The following PRKCE variants were observed in gnomAD, a reference collection of about 807,000 sequenced individuals.
The protein encoded by PRKCE is protein kinase C epsilon type.
PRKCE carries 16 observed loss-of-function variants against 85.4 expected under a neutral mutation model. That is an observed-to-expected ratio of 0.19 (90% CI 0.13 to 0.28). The LOEUF (loss-of-function observed/expected upper bound fraction) is 0.28, where lower values mean the gene tolerates loss of function less well. Ranked by LOEUF, PRKCE falls within the 10% of genes least tolerant of loss-of-function variation. PRKCE has a pLI of 1.00. For missense variants in PRKCE, 573 were observed against 975.2 expected (o/e 0.59, Z 5.49); for synonymous variants, 388 against 371.5 (o/e 1.04, Z -0.51).
intron 1 of PRKCE, among the ~76,000 whole-genome samples, chr2:45,719,112 C>G (rs142238252): frequency 6.6e-6 from 1 of 152,216 alleles, no homozygotes. Flanking sequence ...TGAGAAGGCT[C>G]GAGGCATCTA....
At chr2:45,848,395 T>C (rs563075578) in intron 2 of PRKCE, among the ~76,000 whole-genome samples, 10 of 152,242 alleles carry the variant, frequency 6.6e-5, no homozygotes, top group African/African-American at 2.2e-4. Context: ...ACTGCAACCT[T>C]TGCCTCCTGG....
chr2:46,153,101 A>G (rs1055353582), intron 13 of PRKCE, among the ~76,000 whole-genome samples: 1 of 151,998 alleles, frequency 6.6e-6, no homozygotes, highest in Admixed American at 6.6e-5. Context: ...CATGCTAGGC[A>G]TGGTGCTAGA....
intron 2 of PRKCE, among the ~76,000 whole-genome samples, chr2:45,941,115 C>CA (rs1000540663): frequency 4.7e-5 from 6 of 126,514 alleles, no homozygotes. Flanking sequence ...CCCTACTGAA[C>CA]AAATGACTTA....
At chr2:45,927,704 T>C (rs1269720555) in intron 2 of PRKCE, among the ~76,000 whole-genome samples, 4 of 152,270 alleles carry the variant, frequency 2.6e-5, no homozygotes, top group African/African-American at 9.6e-5. Context: ...GCATAGAGGC[T>C]GATACTCTCT....
rs1006664266 is a variant in PRKCE at position 46,040,343 on chromosome 2, C to T, written c.1437+29826C>T. Among the ~76,000 whole-genome samples the T allele has an allele frequency of 1.4e-4, 21 of 152,248 alleles. No individual in the cohort carries two copies. In the East Asian group the frequency reaches 4.1e-3, roughly 29 times the overall value. ...TGTGAAGGGTGAACAGCAATTAGAC[C>T]GTAATCTGGTTACACTGGAGGGTAC... is the stretch of plus-strand genomic sequence containing the variant. On this transcript the variant is annotated intron_variant, in intron 10 of 14. Coordinates refer to ENST00000306156, the MANE Select transcript of PRKCE (RefSeq NM_005400.3).
chr2:45,916,285 G>A (rs1324614929), intron 2 of PRKCE, among the ~76,000 whole-genome samples: 1 of 149,796 alleles, frequency 6.7e-6, no homozygotes, highest in Non-Finnish European at 1.5e-5. Context: ...TATCATGCAG[G>A]CTGGAGTGTA....
chr2:46,076,252 C>T (rs1051242989), intron 10 of PRKCE, among the ~76,000 whole-genome samples: 4 of 152,166 alleles, frequency 2.6e-5, no homozygotes, highest in African/African-American at 4.8e-5. Flanking sequence ...TCAGCATTAA[C>T]GAGATGTAGC....
intron 12 of PRKCE, among the ~76,000 whole-genome samples, chr2:46,149,645 A>G (rs552022908): frequency 3.9e-4 from 59 of 150,792 alleles, no homozygotes; most frequent in Non-Finnish European, 7.8e-4. Flanking sequence ...AGCTCTATAC[A>G]GCTGAAAGGT....
At chr2:46,156,004 T>TAAA (rs58699940) in intron 13 of PRKCE, among the ~76,000 whole-genome samples, 1 of 106,820 alleles carries the variant, frequency 9.4e-6, no homozygotes, top group Admixed American at 9.8e-5. Flanking sequence ...TTAAAGTATA[T>TAAA]AAAAAAAAAA....
intron 1 of PRKCE, among the ~76,000 whole-genome samples, chr2:45,744,925 A>G (rs915583191): frequency 6.6e-6 from 1 of 152,146 alleles, no homozygotes. Flanking sequence ...CTAGTTTTTC[A>G]ATCCTGGCGA....
intron 2 of PRKCE, among the ~76,000 whole-genome samples, chr2:45,864,360 G>T (rs1693411800): frequency 6.6e-6 from 1 of 152,184 alleles, no homozygotes; most frequent in Non-Finnish European, 1.5e-5. Context: ...CTGCCCTGGA[G>T]AATGGTCTTA....
In PRKCE at chr2:46,184,977, C is replaced by G; in HGVS notation, c.*96C>G. On this transcript the variant is annotated 3_prime_UTR_variant, in exon 15 of 15. Coordinates refer to ENST00000306156, the MANE Select transcript of PRKCE (RefSeq NM_005400.3). The surrounding 1 kb of genome is among the most constrained non-coding windows in gnomAD (Gnocchi z 5.0). ...CTCAGCAGGTCTTGAACTACTTCTC[C>G]TCCTCGGAGCCCCAGTCCCATGTCC... is the stretch of plus-strand genomic sequence containing the variant. 1 of 1,479,772 alleles carries G rather than the reference C, an allele frequency of 6.8e-7. No individual in the cohort carries two copies. 91.7% of individuals were successfully genotyped at this position (1,479,772 alleles called of 1,614,324 possible). A position where few individuals can be genotyped will look rare whatever the true frequency, so the allele number is the denominator to read the frequency against.
At chr2:46,163,982 C>T (rs1461683156) in intron 14 of PRKCE, among the ~76,000 whole-genome samples, 1 of 151,958 alleles carries the variant, frequency 6.6e-6, no homozygotes, top group Admixed American at 6.6e-5. Flanking sequence ...CTGAGGTGCA[C>T]CCCACAGAGG....
chr2:45,985,478 A>T (rs962978376), intron 6 of PRKCE, among the ~76,000 whole-genome samples: 1 of 152,198 alleles, frequency 6.6e-6, no homozygotes, highest in African/African-American at 2.4e-5. Flanking sequence ...TGCATGGACA[A>T]TATTTTAAAA....
At chr2:45,972,603 A>C (rs1186048109) in intron 2 of PRKCE, among the ~76,000 whole-genome samples, 2 of 152,214 alleles carry the variant, frequency 1.3e-5, no homozygotes, top group Admixed American at 6.5e-5. Context: ...CAGTGTTTAC[A>C]TTTAAGTATT....
intron 2 of PRKCE, among the ~76,000 whole-genome samples, chr2:45,869,931 C>G (rs1693951542): frequency 1.3e-5 from 2 of 152,086 alleles, no homozygotes; most frequent in Non-Finnish European, 2.9e-5. Context: ...TGGTCTTGAA[C>G]TCCTGACCTC....
chr2:46,022,274 G>A (rs931130306), intron 10 of PRKCE, among the ~76,000 whole-genome samples: 3 of 152,182 alleles, frequency 2.0e-5, no homozygotes, highest in African/African-American at 4.8e-5. Flanking sequence ...GACACAGAGA[G>A]GGGAGTTTCA....
In PRKCE at chr2:46,001,357, C is replaced by G. The variant is rs911943543; in HGVS notation, c.824-47C>G. Reference sequence around the variant, plus strand: ...CAATCTCAAAGAAAAGAAGCAACATCTTAGGCCATGAACACTTATCTGTCT... The same window carrying G: ...CAATCTCAAAGAAAAGAAGCAACATGTTAGGCCATGAACACTTATCTGTCT... On this transcript the variant is annotated intron_variant, in intron 6 of 14. Coordinates refer to ENST00000306156, the MANE Select transcript of PRKCE (RefSeq NM_005400.3). The surrounding 1 kb of genome is among the most constrained non-coding windows in gnomAD (Gnocchi z 4.4). 2.6e-6 allele frequency: 4 copies of G among 1,553,102 alleles called. No individual in the cohort carries two copies. Among genetic ancestry groups the G allele is most frequent in the Non-Finnish European group, 2.6e-6 (3 of 1,148,976 alleles).
chr2:46,142,314 A>G (rs750276803), intron 11 of PRKCE, among the ~76,000 whole-genome samples: 7 of 152,112 alleles, frequency 4.6e-5, no homozygotes, highest in Non-Finnish European at 1.0e-4. Flanking sequence ...TTTTGTTTAT[A>G]ATGGAACCGA....
Sources: gnomAD v4.1 joint callset for allele counts (sites outside exome capture counted in the v4.1 genomes callset) on GRCh38, gnomAD v4.1.1 for gene constraint, Gnocchi (gnomAD v3.1) non-coding constraint, MANE v1.5 for transcripts, NCBI Gene and HGNC (gene_info 2026-07-23, HGNC 2026-07-21) for gene names.